TCF4: variants seen among roughly 807,000 people sequenced by gnomAD.
TCF4 encodes the protein SL3-3 enhancer factor 2.
TCF4 carries 3 observed loss-of-function variants against 82.1 expected under a neutral mutation model. The observed-to-expected ratio is 0.04, with a 90% CI of 0.02 to 0.09. The LOEUF is 0.09. TCF4 is among the 10% of genes least tolerant of loss of function. The pLI is 1.00. For synonymous variants in TCF4, 276 were observed against 309.6 expected (o/e 0.89, Z 1.14); for missense variants, 518 against 852.7 (o/e 0.61, Z 4.89).
At chr18:55,589,943 C>T (rs1016495272), upstream of TCF4, 21 of 596,194 alleles carry the variant, frequency 3.5e-5, no homozygotes, top group Admixed American at 6.3e-5. Flanking sequence ...GACCACGCCT[C>T]CTCCGGGAGC....
intron 8 of TCF4, among the ~76,000 whole-genome samples, chr18:55,346,197 CAT>C (rs1181666445): frequency 6.6e-6 from 1 of 152,106 alleles, no homozygotes; most frequent in Non-Finnish European, 1.5e-5. Flanking sequence ...AACTCTAATC[CAT>C]ACTTAAATAT....
chr18:55,509,102 A>T (rs2096796007), intron 3 of TCF4, among the ~76,000 whole-genome samples: 1 of 152,170 alleles, frequency 6.6e-6, no homozygotes, highest in Non-Finnish European at 1.5e-5. Flanking sequence ...GATTAATTGG[A>T]ATTTAAATAT....
Position 55,234,710 on chromosome 18 carries a change from G to A in TCF4, c.1351-27C>T, listed in dbSNP as rs1157751835. 3 of 1,613,890 alleles carry A rather than the reference G, an allele frequency of 1.9e-6. No individual in the cohort carries two copies. The East Asian group carries it at 6.7e-5, about 36-fold the overall frequency. ...TGAAAGGGCGAGAGGAACCAGAGAG[G>A]TGAGCAGGAACCGGAGGTGCGACAG... On this transcript the variant is annotated intron_variant, in intron 15 of 19. Coordinates refer to ENST00000354452, the MANE Select transcript of TCF4 (RefSeq NM_001083962.2).
chr18:55,285,823 C>T (rs1458512286), intron 8 of TCF4, among the ~76,000 whole-genome samples: 1 of 152,166 alleles, frequency 6.6e-6, no homozygotes, highest in Non-Finnish European at 1.5e-5. Context: ...TTCTGGAGTG[C>T]TAGTGGGAGG....
intron 8 of TCF4, among the ~76,000 whole-genome samples, chr18:55,336,712 A>G (rs747987344): frequency 3.3e-5 from 5 of 152,186 alleles, no homozygotes; most frequent in African/African-American, 7.2e-5. Context: ...TCAAAGGGAC[A>G]TGTACCTATC....
At chr18:55,398,822 C>T (rs938061456) in intron 6 of TCF4, among the ~76,000 whole-genome samples, 6 of 152,178 alleles carry the variant, frequency 3.9e-5, no homozygotes, top group African/African-American at 1.2e-4. Flanking sequence ...CCCTGCCCTC[C>T]AGGAGTTTAC....
At chr18:55,505,681 GTA>G (rs1459144384) in intron 3 of TCF4, among the ~76,000 whole-genome samples, 1 of 150,732 alleles carries the variant, frequency 6.6e-6, no homozygotes, top group African/African-American at 2.4e-5. Context: ...GCGGGCGCCT[GTA>G]GTCCCAGCTA....
chr18:55,232,380 G>C, intron 17 of TCF4, 129 bp downstream of exon 17: 1 of 952,458 alleles, frequency 1.0e-6, no homozygotes, highest in Non-Finnish European at 1.6e-6. Flanking sequence ...TCTAGAGTAG[G>C]CCTTTAATTT....
At chr18:55,243,661 G>A (rs1381837557) in intron 15 of TCF4, among the ~76,000 whole-genome samples, 1 of 152,054 alleles carries the variant, frequency 6.6e-6, no homozygotes, top group Non-Finnish European at 1.5e-5. Flanking sequence ...AATATCTCAT[G>A]AAAGGTCTTT....
chr18:55,615,425 T>G (rs2097710855), intron 2 of TCF4, among the ~76,000 whole-genome samples: 1 of 152,156 alleles, frequency 6.6e-6, no homozygotes, highest in Non-Finnish European at 1.5e-5. Context: ...CTTGCTTTTT[T>G]TTTTAAGATT....
chr18:55,295,182 A>G (rs1342680340), intron 8 of TCF4, among the ~76,000 whole-genome samples: 1 of 151,988 alleles, frequency 6.6e-6, no homozygotes, highest in Non-Finnish European at 1.5e-5. Flanking sequence ...TACACTGCTC[A>G]TTTTGCCCTT....
chr18:55,621,336 T>C (rs1006960552), intron 2 of TCF4, among the ~76,000 whole-genome samples: 14 of 145,078 alleles, frequency 9.6e-5, no homozygotes, highest in Non-Finnish European at 2.1e-4. Context: ...AACATATCTT[T>C]TTCTTTTTAA....
intron 6 of TCF4, among the ~76,000 whole-genome samples, chr18:55,373,595 T>C (rs892338271): frequency 1.3e-5 from 2 of 152,020 alleles, no homozygotes; most frequent in African/African-American, 2.4e-5. Context: ...GGAAGATCAG[T>C]TGAGGTCAGG....
chr18:55,523,170 T>C (rs773123902), intron 3 of TCF4, among the ~76,000 whole-genome samples: 1 of 151,994 alleles, frequency 6.6e-6, no homozygotes, highest in Non-Finnish European at 1.5e-5. Flanking sequence ...ACAGAGAATA[T>C]TACATTATCA....
chr18:55,322,241 C>G, intron 8 of TCF4: 1 of 1,043,938 alleles, frequency 9.6e-7, no homozygotes, highest in Non-Finnish European at 1.2e-6. Flanking sequence ...TTGACTCCCC[C>G]TCTCTCTCTC....
chr18:55,551,720 A>G (rs1478812999), intron 3 of TCF4: 4 of 152,104 alleles, frequency 2.6e-5, no homozygotes. Context: ...TCCTCAATTT[A>G]TTTCAAATAT....
At chr18:55,289,599 A>G (rs572050195) in intron 8 of TCF4, among the ~76,000 whole-genome samples, 3 of 152,292 alleles carry the variant, frequency 2.0e-5, no homozygotes, top group East Asian at 3.9e-4. Flanking sequence ...TTTGTTTTAG[A>G]TGACGACTAC....
intron 3 of TCF4, among the ~76,000 whole-genome samples, chr18:55,529,788 G>A (rs1223840488): frequency 6.6e-6 from 1 of 152,114 alleles, no homozygotes; most frequent in Non-Finnish European, 1.5e-5. Context: ...AAAGGAGCCT[G>A]TCACTAGCAC....
chr18:55,467,406 T>C (rs1378023096), intron 3 of TCF4, among the ~76,000 whole-genome samples: 2 of 152,142 alleles, frequency 1.3e-5, no homozygotes, highest in African/African-American at 4.8e-5. Context: ...AATTGGCTTA[T>C]TAGGGTCCGT....
Sources: gnomAD v4.1 joint callset for allele counts (sites outside exome capture counted in the v4.1 genomes callset) on GRCh38, gnomAD v4.1.1 for gene constraint, MANE v1.5 for transcripts, NCBI Gene and HGNC (gene_info 2026-07-23, HGNC 2026-07-21) for gene names.